The following TLCD4 variants were observed in gnomAD, a reference collection of about 807,000 sequenced individuals.
TLCD4 encodes TLC domain containing 4.
Under a neutral mutation model 24.2 loss-of-function variants are expected in TLCD4, and 7 were observed. The observed-to-expected ratio is 0.29, with a 90% CI of 0.16 to 0.54. The LOEUF (loss-of-function observed/expected upper bound fraction) is 0.54. TLCD4 is among the 20% of genes least tolerant of loss of function. TLCD4 has a pLI of 0.95. For missense variants in TLCD4, 259 were observed against 313.9 expected, an observed-to-expected ratio of 0.82 and a Z score of 1.32; for synonymous variants, 103 against 106.4, an observed-to-expected ratio of 0.97 and a Z score of 0.20.
chr1:95,135,558 C>T (rs372849207), intron 1 of TLCD4, among the ~76,000 whole-genome samples: 34 of 151,900 alleles, frequency 2.2e-4, no homozygotes, highest in South Asian at 8.3e-4. Context: ...CCACCACGCC[C>T]GGCTAATTTT....
intron 4 of TLCD4, 109 bp from the exon 5 acceptor site, chr1:95,151,216 G>T: frequency 9.3e-7 from 1 of 1,074,762 alleles, no homozygotes; most frequent in Admixed American, 2.1e-5. Flanking sequence ...AAAGTGCTGT[G>T]GGCTCAGAGT....
At chr1:95,137,671 T>G (rs1677085149) in intron 1 of TLCD4, among the ~76,000 whole-genome samples, 1 of 151,942 alleles carries the variant, frequency 6.6e-6, no homozygotes. Context: ...CCCCTCTTCC[T>G]TCTTCCTCTC....
intron 6 of TLCD4, among the ~76,000 whole-genome samples, chr1:95,184,293 A>G (rs1678753639): frequency 6.6e-6 from 1 of 152,090 alleles, no homozygotes; most frequent in Non-Finnish European, 1.5e-5. Context: ...CAACTCCTCT[A>G]AAACTCAACA....
chr1:95,122,117 G>T lies in TLCD4; in HGVS notation c.-12+4500G>T, dbSNP rs181031416. Among the ~76,000 whole-genome samples the T allele has an allele frequency of 5.3e-5, 8 of 152,326 alleles. No homozygotes were observed. In the East Asian group the frequency reaches 1.5e-3, roughly 29 times the overall value. On this transcript the variant is annotated intron_variant, in intron 1 of 6. Coordinates refer to ENST00000370203, the MANE Select transcript of TLCD4 (RefSeq NM_152487.3). ...GGTGGCTCACGCCTATAATCCCAGC[G>T]TGGAGGTGGGCAGATCACCTAAGTG...
At chr1:95,119,423 T>G (rs1366985282) in intron 1 of TLCD4, among the ~76,000 whole-genome samples, 1 of 152,160 alleles carries the variant, frequency 6.6e-6, no homozygotes, top group Admixed American at 6.5e-5. Context: ...TGCAAAAGAC[T>G]GGGGAGAAAG....
intron 1 of TLCD4, among the ~76,000 whole-genome samples, chr1:95,122,205 C>G (rs751171402): frequency 1.3e-5 from 2 of 152,096 alleles, no homozygotes; most frequent in South Asian, 4.1e-4. Flanking sequence ...GAAAAAAATA[C>G]AAAAATTAGC....
chr1:95,142,958 C>T (rs1004031052), intron 1 of TLCD4, among the ~76,000 whole-genome samples: 2 of 6,162 alleles, frequency 3.2e-4, no homozygotes, highest in Non-Finnish European at 6.9e-4. Flanking sequence ...CATCTGGAGG[C>T]GGGGTTGGGG....
At chr1:95,155,015 TAGTGC>T (rs1246221045) in intron 5 of TLCD4, among the ~76,000 whole-genome samples, 3 of 150,162 alleles carry the variant, frequency 2.0e-5, no homozygotes, top group Non-Finnish European at 4.4e-5. Flanking sequence ...TAGTGTAGTG[TAGTGC>T]AGTGCAGTGC....
chr1:95,105,856 C>T, the TLCD4 span, among the ~76,000 whole-genome samples: 2 of 139,844 alleles, frequency 1.4e-5, no homozygotes, highest in African/African-American at 5.2e-5. Flanking sequence ...GATTGCACCA[C>T]TGCACTCCAG....
chr1:95,170,910 C>T (rs1678191004), intron 5 of TLCD4, among the ~76,000 whole-genome samples: 1 of 151,868 alleles, frequency 6.6e-6, no homozygotes, highest in Non-Finnish European at 1.5e-5. Context: ...TTTGAACAAG[C>T]CACCAAATTT....
At chr1:95,113,570 G>T (rs1676378563), upstream of TLCD4, among the ~76,000 whole-genome samples, 1 of 152,194 alleles carries the variant, frequency 6.6e-6, no homozygotes, top group South Asian at 2.1e-4. Context: ...GACAGGTGGG[G>T]AGAAGCAGGG....
chr1:95,171,650 TC>T (rs1678229181), intron 5 of TLCD4, among the ~76,000 whole-genome samples: 1 of 152,124 alleles, frequency 6.6e-6, no homozygotes, highest in African/African-American at 2.4e-5. Flanking sequence ...TATATGGAAA[TC>T]TATGTTATTT....
chr1:95,150,234 A>C lies in TLCD4; in HGVS notation c.272A>C (p.Asn91Thr), dbSNP rs1241269062. ...GGTGGTCCATCACTTGCAAACGTGA[A>C]TATTGCTATTGCCTCAGGCTACCTC... is the stretch of plus-strand genomic sequence containing the variant. The part of the protein sequence containing the change: ...LWGGPSLANV[N>T]IAIASGYLIS... The change falls in exon 4 of 7, where the codon AAT (asparagine) becomes ACT (threonine). Residue 91 changes from asparagine (N) to threonine (T), a missense_variant. Coordinates refer to ENST00000370203, the MANE Select transcript of TLCD4 (RefSeq NM_152487.3). 1 of 1,610,658 alleles carries C rather than the reference A, an allele frequency of 6.2e-7. No homozygotes were observed. The highest frequency in any genetic ancestry group is 8.5e-7 in the Non-Finnish European group (1 of 1,179,476).
chr1:95,132,783 TAAAG>T (rs1376836593), intron 1 of TLCD4, among the ~76,000 whole-genome samples: 4 of 152,198 alleles, frequency 2.6e-5, no homozygotes, highest in Non-Finnish European at 5.9e-5. Context: ...TCTGGAGTCT[TAAAG>T]AACTCTGTTA....
At chr1:95,187,481 C>A (rs1054375543) in intron 6 of TLCD4, among the ~76,000 whole-genome samples, 1 of 151,998 alleles carries the variant, frequency 6.6e-6, no homozygotes, top group Admixed American at 6.6e-5. Context: ...GACTGTCCCT[C>A]AATTTGGGTT....
chr1:95,154,639 A>G (rs564653517), intron 5 of TLCD4, among the ~76,000 whole-genome samples: 1 of 152,172 alleles, frequency 6.6e-6, no homozygotes, highest in East Asian at 1.9e-4. Flanking sequence ...AGGTAGGAAC[A>G]CTGTTTCACA....
At chr1:95,133,248 G>A (rs930144152) in intron 1 of TLCD4, among the ~76,000 whole-genome samples, 4 of 152,110 alleles carry the variant, frequency 2.6e-5, no homozygotes, top group African/African-American at 4.8e-5. Context: ...GTGGGGGGAC[G>A]GAGGAGGGAT....
intron 1 of TLCD4, among the ~76,000 whole-genome samples, chr1:95,122,843 T>C (rs559993434): frequency 6.6e-6 from 1 of 152,180 alleles, no homozygotes; most frequent in African/African-American, 2.4e-5. Flanking sequence ...GCTGAAAAAA[T>C]CTTTGAAAAA....
chr1:95,123,228 T>C (rs1340224648), intron 1 of TLCD4, among the ~76,000 whole-genome samples: 2 of 152,242 alleles, frequency 1.3e-5, no homozygotes, highest in East Asian at 1.9e-4. Context: ...TAAGGACTTA[T>C]AAAGACTACA....
Sources: gnomAD v4.1 joint callset for allele counts (sites outside exome capture counted in the v4.1 genomes callset) on GRCh38, gnomAD v4.1.1 for gene constraint, MANE v1.5 for transcripts, NCBI Gene and HGNC (gene_info 2026-07-23, HGNC 2026-07-21) for gene names.